Variants in PIK3R3 observed in about 807,000 individuals in gnomAD.
PIK3R3 encodes phosphoinositide-3-kinase regulatory subunit 3, also known as phosphatidylinositol 3-kinase regulatory subunit gamma.
A neutral mutation model predicts 62.9 loss-of-function variants in PIK3R3; 64 were observed. The ratio of observed to expected loss-of-function variants is 1.02; its 90% CI spans 0.83 to 1.25. The LOEUF (loss-of-function observed/expected upper bound fraction) is 1.25. PIK3R3 is among the 50% of genes most tolerant of loss of function. PIK3R3 has a pLI of 0.00. For synonymous variants in PIK3R3, 165 were observed against 189.0 expected (o/e 0.87, Z 1.04); for missense variants, 614 against 561.6 (o/e 1.09, Z -0.94).
At chr1:46,071,028 T>C (rs1221046785) in intron 3 of PIK3R3, among the ~76,000 whole-genome samples, 1 of 152,182 alleles carries the variant, frequency 6.6e-6, no homozygotes, top group Non-Finnish European at 1.5e-5. Flanking sequence ...TTTACTCTCA[T>C]TCCTCTCATT....
At chr1:46,148,816 C>A in the PIK3R3 span, among the ~76,000 whole-genome samples, 1 of 150,788 alleles carries the variant, frequency 6.6e-6, no homozygotes, top group African/African-American at 2.4e-5. Context: ...AAAAAAAATG[C>A]CTCCAGATAA....
upstream of PIK3R3, among the ~76,000 whole-genome samples, chr1:46,136,038 A>C (rs1245866777): frequency 6.6e-6 from 1 of 151,414 alleles, no homozygotes; most frequent in African/African-American, 2.4e-5. Context: ...TCAAAAAAAA[A>C]AAAAAAAAAA....
At chr1:46,080,573 C>G in intron 2 of PIK3R3, 69 bp downstream of exon 2, 1 of 1,063,622 alleles carries the variant, frequency 9.4e-7, no homozygotes, top group Non-Finnish European at 1.5e-6. Context: ...AAATGGTTTA[C>G]TTTAACTACT....
chr1:46,081,637 A>C (rs969330186), intron 1 of PIK3R3, among the ~76,000 whole-genome samples: 1 of 152,166 alleles, frequency 6.6e-6, no homozygotes, highest in African/African-American at 2.4e-5. Flanking sequence ...CTGGTGCCAG[A>C]AAGGTTGGGG....
At chr1:46,129,902 T>C (rs1449976130) in intron 1 of PIK3R3, among the ~76,000 whole-genome samples, 1 of 152,224 alleles carries the variant, frequency 6.6e-6, no homozygotes, top group South Asian at 2.1e-4. Context: ...AGAATCTCAG[T>C]ATGCACAATT....
intron 7 of PIK3R3, among the ~76,000 whole-genome samples, chr1:46,048,852 C>G (rs534249150): frequency 2.0e-5 from 3 of 152,228 alleles, no homozygotes; most frequent in African/African-American, 7.2e-5. Context: ...AGTTCTGAGT[C>G]CTTACAAACC....
intron 1 of PIK3R3, among the ~76,000 whole-genome samples, chr1:46,107,656 T>C (rs1215186626): frequency 6.6e-6 from 1 of 152,180 alleles, no homozygotes; most frequent in Non-Finnish European, 1.5e-5. Context: ...ACAGTCCAAG[T>C]TCAAATATGA....
At chr1:46,118,083 C>CA (rs999397310) in intron 1 of PIK3R3, among the ~76,000 whole-genome samples, 32 of 151,888 alleles carry the variant, frequency 2.1e-4, no homozygotes, top group African/African-American at 7.0e-4. Flanking sequence ...CACGCACACA[C>CA]AAAAAAACCC....
chr1:46,065,815 AT>A (rs1648935257), intron 5 of PIK3R3, among the ~76,000 whole-genome samples: 1 of 152,212 alleles, frequency 6.6e-6, no homozygotes, highest in Non-Finnish European at 1.5e-5. Context: ...AGAAAACTAA[AT>A]TTCTATCTGA....
At chr1:46,118,452 G>T (rs532417331) in intron 1 of PIK3R3, among the ~76,000 whole-genome samples, 1 of 151,858 alleles carries the variant, frequency 6.6e-6, no homozygotes, top group African/African-American at 2.4e-5. Context: ...AATACACTTT[G>T]ATGGCTTCTC....
At chr1:46,066,016 TGC>T in intron 5 of PIK3R3, 36 bp downstream of exon 5, 1 of 1,579,988 alleles carries the variant, frequency 6.3e-7, no homozygotes, top group South Asian at 1.1e-5. Flanking sequence ...ACTAAAACAT[TGC>T]ACACATATTA....
At chr1:46,148,037 T>A in the PIK3R3 span, among the ~76,000 whole-genome samples, 1 of 151,934 alleles carries the variant, frequency 6.6e-6, no homozygotes, top group Non-Finnish European at 1.5e-5. Flanking sequence ...CTTGGAAGAG[T>A]TTTTCGTAAA....
chr1:46,063,500 A>G (rs1249048080), intron 5 of PIK3R3, among the ~76,000 whole-genome samples: 2 of 152,242 alleles, frequency 1.3e-5, no homozygotes, highest in Non-Finnish European at 2.9e-5. Context: ...GAAATTACCT[A>G]TAAAGTTCTG....
the PIK3R3 span, among the ~76,000 whole-genome samples, chr1:46,169,783 C>T: frequency 1.4e-3 from 214 of 152,302 alleles, no homozygotes; most frequent in Middle Eastern, 0.034. Flanking sequence ...CTGGCATTTG[C>T]CTGTCTTTGG....
chr1:46,048,889 A>C (rs1647184359), intron 7 of PIK3R3, among the ~76,000 whole-genome samples: 1 of 152,208 alleles, frequency 6.6e-6, no homozygotes, highest in South Asian at 2.1e-4. Context: ...AGTTGATTAG[A>C]TTTTAAAAAC....
At chr1:46,139,392 G>C in the PIK3R3 span, among the ~76,000 whole-genome samples, 2 of 151,616 alleles carry the variant, frequency 1.3e-5, no homozygotes, top group Admixed American at 1.3e-4. Context: ...TGGAACCTCT[G>C]CCTCCCCGGT....
intron 1 of PIK3R3, among the ~76,000 whole-genome samples, chr1:46,120,648 A>T (rs1032801702): frequency 1.1e-4 from 17 of 152,214 alleles, no homozygotes; most frequent in Non-Finnish European, 4.4e-5. Context: ...ACTTGCTAAT[A>T]CTGTTTATTG....
chr1:46,098,506 C>T (rs1345023522), intron 1 of PIK3R3, among the ~76,000 whole-genome samples: 3 of 151,970 alleles, frequency 2.0e-5, no homozygotes, highest in African/African-American at 7.3e-5. Context: ...TATTGTTTAG[C>T]CATAAAAAGG....
chr1:46,121,069 T>C (rs1212817056), intron 1 of PIK3R3, among the ~76,000 whole-genome samples: 2 of 152,216 alleles, frequency 1.3e-5, no homozygotes, highest in African/African-American at 2.4e-5. Flanking sequence ...AATTGAGCAA[T>C]ATATGGCTAA....
Sources: gnomAD v4.1 joint callset for allele counts (sites outside exome capture counted in the v4.1 genomes callset) on GRCh38, gnomAD v4.1.1 for gene constraint, MANE v1.5 for transcripts, NCBI Gene and HGNC (gene_info 2026-07-23, HGNC 2026-07-21) for gene names.